MAP4K3: variants seen among roughly 807,000 people sequenced by gnomAD.
MAP4K3 encodes mitogen-activated protein kinase kinase kinase kinase 3, also known as MAPK/ERK kinase kinase kinase 3.
Under a neutral mutation model 143.5 loss-of-function variants are expected in MAP4K3, and 94 were observed. The observed-to-expected ratio is 0.65, with a 90% CI of 0.55 to 0.78. MAP4K3 has a LOEUF of 0.78. Ranked by LOEUF, MAP4K3 falls within the 30% of genes least tolerant of loss-of-function variation. MAP4K3 has a pLI of 0.00. For synonymous variants in MAP4K3, 416 were observed against 347.2 expected (o/e 1.20, Z -2.20); for missense variants, 1,077 against 1,068.1 (o/e 1.01, Z -0.12).
At chr2:39,309,599 C>T (rs1682869862) in intron 13 of MAP4K3, 80 bp from the exon 14 acceptor site, 3 of 788,236 alleles carry the variant, frequency 3.8e-6, no homozygotes, top group Non-Finnish European at 5.6e-6. Flanking sequence ...GCTCTGTCTC[C>T]CACGCTGGAG....
chr2:39,383,983 T>A (rs1283131829), intron 1 of MAP4K3, among the ~76,000 whole-genome samples: 2 of 151,808 alleles, frequency 1.3e-5, no homozygotes. Context: ...TGGTAGCATG[T>A]GCCTATAGTC....
intron 22 of MAP4K3, 95 bp downstream of exon 22, chr2:39,282,418 G>A: frequency 2.0e-6 from 2 of 990,838 alleles, no homozygotes; most frequent in Admixed American, 2.2e-5. Flanking sequence ...CAATAATAAT[G>A]AAAGTTCTTT....
At chr2:39,420,127 A>G (rs1340908448) in intron 1 of MAP4K3, among the ~76,000 whole-genome samples, 1 of 152,200 alleles carries the variant, frequency 6.6e-6, no homozygotes, top group Non-Finnish European at 1.5e-5. Flanking sequence ...GAGGCACTGA[A>G]AGGAATACAA....
At chr2:39,428,846 G>T (rs1344779095) in intron 1 of MAP4K3, among the ~76,000 whole-genome samples, 2 of 150,492 alleles carry the variant, frequency 1.3e-5, no homozygotes, top group Non-Finnish European at 3.0e-5. Context: ...GAGGCGGGTG[G>T]ATCACGAGGT....
At chr2:39,385,551 CATATATATATATATATAT>C (rs140387430) in intron 1 of MAP4K3, among the ~76,000 whole-genome samples, 1,963 of 111,220 alleles carry the variant, frequency 0.018, 59 homozygotes, top group African/African-American at 0.046. Flanking sequence ...GAGCGTTCTT[CATATATATATATATATAT>C]ATATATATAT....
At chr2:39,325,441 G>C (rs1683454977) in intron 12 of MAP4K3, 77 bp downstream of exon 12, 2 of 903,378 alleles carry the variant, frequency 2.2e-6, no homozygotes, top group African/African-American at 3.4e-5. Flanking sequence ...AATGGATTTT[G>C]AGACGTACAT....
At chr2:39,421,927 C>A (rs56327620) in intron 1 of MAP4K3, among the ~76,000 whole-genome samples, 2,338 of 152,040 alleles carry the variant, frequency 0.015, 64 homozygotes, top group African/African-American at 0.053. Flanking sequence ...TGGCCATGGG[C>A]TGCAATTTTT....
intron 16 of MAP4K3, among the ~76,000 whole-genome samples, chr2:39,299,064 AATTAGTT>A (rs1682403876): frequency 6.6e-6 from 1 of 152,130 alleles, no homozygotes; most frequent in Admixed American, 6.6e-5. Context: ...TTCCCTTATA[AATTAGTT>A]TTTATCATAA....
At chr2:39,275,928 A>T (rs1681228910) in intron 24 of MAP4K3, among the ~76,000 whole-genome samples, 1 of 152,124 alleles carries the variant, frequency 6.6e-6, no homozygotes, top group Non-Finnish European at 1.5e-5. Context: ...GCTGGAGTGC[A>T]GTGGCGTGAT....
chr2:39,301,955 C>T (rs747600091), intron 15 of MAP4K3, among the ~76,000 whole-genome samples: 11 of 151,750 alleles, frequency 7.2e-5, no homozygotes, highest in South Asian at 6.2e-4. Flanking sequence ...ACCCGGGAGG[C>T]GGAGGTTGCA....
At chr2:39,414,592 T>C (rs1327730582) in intron 1 of MAP4K3, among the ~76,000 whole-genome samples, 1 of 152,132 alleles carries the variant, frequency 6.6e-6, no homozygotes, top group African/African-American at 2.4e-5. Flanking sequence ...TGTACCAACC[T>C]AGGCCGGGTG....
At chr2:39,279,889 G>A (rs1363180949) in intron 23 of MAP4K3, among the ~76,000 whole-genome samples, 2 of 152,134 alleles carry the variant, frequency 1.3e-5, no homozygotes, top group East Asian at 3.9e-4. Flanking sequence ...GAAGTTTGAG[G>A]TTATAGTGAG....
At chr2:39,260,995 A>G (rs756371247) in intron 28 of MAP4K3, 14 of 414,402 alleles carry the variant, frequency 3.4e-5, no homozygotes, top group Non-Finnish European at 4.7e-5. Context: ...TTAGGACATT[A>G]AGGCTGGAAG....
intron 1 of MAP4K3, among the ~76,000 whole-genome samples, chr2:39,413,120 A>G (rs1572502693): frequency 6.6e-6 from 1 of 152,360 alleles, no homozygotes; most frequent in Middle Eastern, 3.4e-3. Context: ...TCGATGTTCC[A>G]TTTTACCTAG....
Position 39,292,847 on chromosome 2 carries a change from C to T in MAP4K3, c.1218-21G>A, listed in dbSNP as rs1445452877. 8 of 1,596,918 alleles carry T rather than the reference C, an allele frequency of 5.0e-6. No homozygotes were observed. In the South Asian group the frequency reaches 5.5e-5, roughly 11 times the overall value. On this transcript the variant is annotated intron_variant, in intron 17 of 33. Transcript: ENST00000263881. ...GTCCTCTAAATAAAAAGGATAATGTCATTGTTATTAAATGGATTTTACCAA... is the reference window on the plus strand; with the variant it reads ...GTCCTCTAAATAAAAAGGATAATGTTATTGTTATTAAATGGATTTTACCAA...
At chr2:39,263,577 C>A (rs1680657032) in intron 28 of MAP4K3, among the ~76,000 whole-genome samples, 1 of 151,994 alleles carries the variant, frequency 6.6e-6, no homozygotes. Flanking sequence ...CCGCGCCCGG[C>A]CCATATAGAA....
chr2:39,317,990 G>A (rs1415810966), intron 12 of MAP4K3, among the ~76,000 whole-genome samples: 2 of 152,000 alleles, frequency 1.3e-5, no homozygotes, highest in Non-Finnish European at 2.9e-5. Flanking sequence ...AAACACAATA[G>A]CAAAGATACT....
chr2:39,384,087 C>G (rs1029760977), intron 1 of MAP4K3, among the ~76,000 whole-genome samples: 13 of 150,800 alleles, frequency 8.6e-5, no homozygotes, highest in African/African-American at 3.2e-4. Context: ...GTCCTCAAGC[C>G]TGGGCAACAG....
chr2:39,323,555 T>C (rs889870602), intron 12 of MAP4K3: 1 of 152,238 alleles, frequency 6.6e-6, no homozygotes, highest in African/African-American at 2.4e-5. Context: ...TACCACTGTA[T>C]ATTAATTGAA....
Sources: gnomAD v4.1 joint callset for allele counts (sites outside exome capture counted in the v4.1 genomes callset) on GRCh38, gnomAD v4.1.1 for gene constraint, MANE v1.5 for transcripts, NCBI Gene and HGNC (gene_info 2026-07-23, HGNC 2026-07-21) for gene names.